The following PRKN variants were observed in gnomAD, a reference collection of about 807,000 sequenced individuals.
The protein encoded by PRKN is parkin RBR E3 ubiquitin protein ligase.
A neutral mutation model predicts 59.5 loss-of-function variants in PRKN; 56 were observed. That is an observed-to-expected ratio of 0.94 (90% CI 0.76 to 1.18). PRKN has a LOEUF of 1.18. Among genes scored for constraint, PRKN ranks in the 50% most tolerant of loss-of-function variants. The pLI is 0.00. For missense variants in PRKN, 657 were observed against 596.4 expected (o/e 1.10, Z -1.06); for synonymous variants, 250 against 222.1 (o/e 1.13, Z -1.12).
At chr6:161,857,551 A>G (rs2128223729) in intron 6 of PRKN, among the ~76,000 whole-genome samples, 1 of 152,246 alleles carries the variant, frequency 6.6e-6, no homozygotes, top group Admixed American at 6.5e-5. Context: ...TTTTCAATCT[A>G]GCAAATCTAC....
chr6:162,602,428 A>T (rs1274209319), intron 1 of PRKN, among the ~76,000 whole-genome samples: 2 of 152,228 alleles, frequency 1.3e-5, no homozygotes, highest in Non-Finnish European at 2.9e-5. Flanking sequence ...GGGTGAAGCC[A>T]GAACACTGTG....
At chr6:161,383,432 G>T (rs1329411833) in intron 10 of PRKN, among the ~76,000 whole-genome samples, 1 of 152,204 alleles carries the variant, frequency 6.6e-6, no homozygotes, top group Non-Finnish European at 1.5e-5. Flanking sequence ...TGGAAGGCTG[G>T]CTCCCATGGG....
chr6:161,453,706 G>C (rs1005486073), intron 9 of PRKN, among the ~76,000 whole-genome samples: 25 of 149,532 alleles, frequency 1.7e-4, no homozygotes, highest in Non-Finnish European at 3.0e-4. Flanking sequence ...AATGCACAAC[G>C]GTCGGTCCAT....
At chr6:162,556,345 GTGTGTGTGTGTGTGT>G (rs1779577388) in intron 1 of PRKN, among the ~76,000 whole-genome samples, 9 of 50,764 alleles carry the variant, frequency 1.8e-4, no homozygotes, top group Non-Finnish European at 3.4e-4. Flanking sequence ...CTCAGCTGGT[GTGTGTGTGTGTGTGT>G]GTGTGTGTGT....
intron 5 of PRKN, among the ~76,000 whole-genome samples, chr6:162,013,180 T>G (rs985349724): frequency 6.6e-6 from 1 of 152,156 alleles, no homozygotes; most frequent in African/African-American, 2.4e-5. Context: ...ATGTATGTAT[T>G]TATTTGGTTA....
chr6:162,146,358 A>G (rs1353274977), intron 4 of PRKN, among the ~76,000 whole-genome samples: 2 of 152,064 alleles, frequency 1.3e-5, no homozygotes, highest in Non-Finnish European at 2.9e-5. Flanking sequence ...AGTGTGCTGT[A>G]AATTTTATGT....
At chr6:161,733,800 A>ATATATATG (rs1554298516) in intron 7 of PRKN, among the ~76,000 whole-genome samples, 10 of 39,920 alleles carry the variant, frequency 2.5e-4, no homozygotes, top group African/African-American at 6.9e-4. Context: ...ATATATATGT[A>ATATATATG]TATATATATA....
intron 7 of PRKN, among the ~76,000 whole-genome samples, chr6:161,643,118 A>T (rs1783801891): frequency 6.6e-6 from 1 of 152,236 alleles, no homozygotes; most frequent in Non-Finnish European, 1.5e-5. Context: ...TAGTTTTCTA[A>T]TAAGCCTGCT....
chr6:161,754,440 C>A (rs991092093), intron 7 of PRKN, among the ~76,000 whole-genome samples: 9 of 151,860 alleles, frequency 5.9e-5, no homozygotes, highest in African/African-American at 2.2e-4. Flanking sequence ...CGGGCCATGG[C>A]GGAGGCTGTC....
Position 161,497,524 on chromosome 6 carries a change from C to T in PRKN, c.1083+51330G>A, listed in dbSNP as rs547424372. 2.0e-5 allele frequency among the ~76,000 whole-genome samples: 3 copies of T among 151,916 alleles called. No individual in the cohort carries two copies. Among genetic ancestry groups the T allele is most frequent in the Non-Finnish European group, 4.4e-5 (3 of 68,008 alleles). On this transcript the variant is annotated intron_variant, in intron 9 of 11. Transcript: ENST00000366898. The surrounding 1 kb of genome is among the most constrained non-coding windows in gnomAD (Gnocchi z 4.6). ...TGAAAAGAGTCAAGGGTACAATTCT[C>T]AAGTCTGTGTGTGTGCACAGTGCTT...
At chr6:162,408,953 C>T (rs185104272) in intron 2 of PRKN, among the ~76,000 whole-genome samples, 29 of 150,644 alleles carry the variant, frequency 1.9e-4, no homozygotes, top group African/African-American at 7.1e-4. Flanking sequence ...TCTGCCTTCT[C>T]CTCCCCTCCC....
At chr6:161,450,600 A>T (rs1001332290) in intron 9 of PRKN, among the ~76,000 whole-genome samples, 1 of 151,886 alleles carries the variant, frequency 6.6e-6, no homozygotes, top group African/African-American at 2.4e-5. Flanking sequence ...TCTGTCACCC[A>T]GGCTGGAGTG....
chr6:162,370,228 C>T (rs1785679174), intron 2 of PRKN, among the ~76,000 whole-genome samples: 1 of 152,108 alleles, frequency 6.6e-6, no homozygotes, highest in Non-Finnish European at 1.5e-5. Flanking sequence ...AGTCACAATC[C>T]TTTGTGACAA....
rs73589707 is a variant in PRKN, at chr6:161,451,709, C to G, written c.1084-64832G>C. Among the ~76,000 whole-genome samples the G allele has an allele frequency of 1.4e-3, 208 of 152,274 alleles. 1 individual carries two copies. The highest frequency in any genetic ancestry group is 4.5e-3 in the African/African-American group (187 of 41,540). Reference sequence around the variant, plus strand: ...ATTAGAAAGGCCATCCAGGATGCGTCATTTGCAAGCTTGGGTGGACAGGCA... The same window carrying G: ...ATTAGAAAGGCCATCCAGGATGCGTGATTTGCAAGCTTGGGTGGACAGGCA... On this transcript the variant is annotated intron_variant, in intron 9 of 11. Transcript: ENST00000366898. This position sits in a 1 kb window ranked among gnomAD's most constrained non-coding sequence, Gnocchi z 5.9.
At chr6:161,663,871 G>A (rs969953964) in intron 7 of PRKN, among the ~76,000 whole-genome samples, 3 of 152,190 alleles carry the variant, frequency 2.0e-5, no homozygotes. Context: ...GCCGCCGGGA[G>A]AGAGGCTGGG....
intron 7 of PRKN, among the ~76,000 whole-genome samples, chr6:161,694,203 T>G (rs1416257260): frequency 1.3e-5 from 2 of 152,144 alleles, no homozygotes; most frequent in African/African-American, 4.8e-5. Context: ...ATCCATAGTT[T>G]ACAGCACTGA....
At chr6:162,266,795 G>A (rs1467554177) in intron 2 of PRKN, among the ~76,000 whole-genome samples, 1 of 152,122 alleles carries the variant, frequency 6.6e-6, no homozygotes, top group Non-Finnish European at 1.5e-5. Flanking sequence ...TGGTAGTATT[G>A]TTACCATTTA....
rs113549271 is a variant in PRKN, at chr6:162,624,403, ATTTG to A, written c.7+103255_7+103258del. 9 of 152,358 alleles carry A rather than the reference ATTTG, an allele frequency of 5.9e-5. 1 individual carries two copies. Among genetic ancestry groups the A allele is most frequent in the African/African-American group, 2.2e-4 (9 of 41,592 alleles). 9.4% of individuals were successfully genotyped at this position (152,358 alleles called of 1,614,324 possible). ...TAAATAAAAATTATTCCATTAACTC[ATTTG>A]TTTAACATTTCCATGTAACCACAGC... On this transcript the variant is annotated intron_variant, in intron 1 of 11. Transcript: ENST00000366898.
intron 7 of PRKN, among the ~76,000 whole-genome samples, chr6:161,758,352 C>A (rs1789041993): frequency 6.6e-6 from 1 of 152,082 alleles, no homozygotes. Flanking sequence ...AAAGGATAAG[C>A]AAATTGTGGT....
Sources: allele counts gnomAD v4.1 joint callset (sites outside exome capture counted in the v4.1 genomes callset), GRCh38; gene constraint gnomAD v4.1.1; non-coding constraint Gnocchi (gnomAD v3.1); transcripts MANE v1.5; gene names NCBI Gene and HGNC (gene_info 2026-07-23, HGNC 2026-07-21).